UBA6: variants seen among roughly 807,000 people sequenced by gnomAD.
The protein encoded by UBA6 is ubiquitin like modifier activating enzyme 6, also known as ubiquitin-like modifier-activating enzyme 6.
UBA6 carries 87 observed loss-of-function variants against 148.3 expected under a neutral mutation model. The ratio of observed to expected loss-of-function variants is 0.59; its 90% confidence interval spans 0.49 to 0.70. The LOEUF (loss-of-function observed/expected upper bound fraction) is 0.70. UBA6 is among the 30% of genes least tolerant of loss of function. The pLI is 0.00. For synonymous variants in UBA6, 376 were observed against 401.0 expected (o/e 0.94, Z 0.75); for missense variants, 1,186 against 1,241.2 (o/e 0.96, Z 0.67).
chr4:67,665,561 C>G (rs1302375389), intron 9 of UBA6, among the ~76,000 whole-genome samples: 1 of 150,480 alleles, frequency 6.6e-6, no homozygotes. Flanking sequence ...GAGGGCTACT[C>G]ATTATTAGAT....
intron 9 of UBA6, among the ~76,000 whole-genome samples, 163 bp downstream of exon 9, chr4:67,668,384 CTTAA>C (rs1027026433): frequency 5.9e-5 from 9 of 152,204 alleles, no homozygotes; most frequent in Non-Finnish European, 1.2e-4. Context: ...AGTATACTCT[CTTAA>C]TATCATCAGT....
At position 67,619,057 on chromosome 4, in the gene UBA6, A is replaced by T; in HGVS notation, c.3099T>A (p.Asp1033Glu). 1 of 1,613,074 alleles carries T rather than the reference A, an allele frequency of 6.2e-7. No individual in the cohort carries two copies. The highest frequency in any genetic ancestry group is 8.5e-7 in the Non-Finnish European group (1 of 1,179,046). The change falls in exon 33 of 33, where the codon GAT becomes GAA. Residue 1033 changes from aspartate to glutamate, a missense_variant. Physicochemically the swap from Asp to Glu is conservative, Grantham distance 45. Transcript: ENST00000322244. ...DLTVSFAPDI[D>E]GDEDLPGPPV... ...GAGGTCCCGGCAAATCTTCATCTCCATCAATGTCTGGAGCAAATGACACAG... is the reference window on the plus strand; with the variant it reads ...GAGGTCCCGGCAAATCTTCATCTCCTTCAATGTCTGGAGCAAATGACACAG...
intron 2 of UBA6, 111 bp from the exon 3 acceptor site, chr4:67,682,324 G>T: frequency 1.4e-6 from 1 of 726,696 alleles, no homozygotes; most frequent in South Asian, 1.8e-5. Context: ...CCACAGACTT[G>T]TTATGAATGA....
intron 11 of UBA6, chr4:67,663,571 G>A: frequency 2.6e-6 from 1 of 384,118 alleles, no homozygotes; most frequent in Non-Finnish European, 4.6e-6. Flanking sequence ...AAAATGGTAC[G>A]ATTCAGAAAA....
intron 6 of UBA6, among the ~76,000 whole-genome samples, chr4:67,675,459 G>A (rs536749427): frequency 5.3e-5 from 8 of 152,170 alleles, no homozygotes; most frequent in East Asian, 3.9e-4. Flanking sequence ...GGCTGGGCAC[G>A]GTGGCTCACA....
At chr4:67,674,731 A>G (rs1730236352) in intron 6 of UBA6, among the ~76,000 whole-genome samples, 1 of 152,164 alleles carries the variant, frequency 6.6e-6, no homozygotes, top group African/African-American at 2.4e-5. Flanking sequence ...ATGTTAGAAA[A>G]TTCTCAGCCA....
intron 16 of UBA6, 85 bp from the exon 17 acceptor site, chr4:67,644,863 T>C: frequency 1.6e-6 from 1 of 643,728 alleles, no homozygotes; most frequent in Non-Finnish European, 2.7e-6. Flanking sequence ...CAGGTTTATT[T>C]TACCACTGTT....
chr4:67,665,091 C>T, intron 10 of UBA6, 98 bp downstream of exon 10: 2 of 620,988 alleles, frequency 3.2e-6, no homozygotes, highest in African/African-American at 1.9e-5. Context: ...AATTCTGTTC[C>T]ACATTTAATC....
At chr4:67,671,612 A>C (rs1164485799) in intron 7 of UBA6, among the ~76,000 whole-genome samples, 3 of 152,172 alleles carry the variant, frequency 2.0e-5, no homozygotes, top group African/African-American at 7.2e-5. Context: ...ATTCTGTCTT[A>C]ATCACATGCT....
chr4:67,663,760 T>C (rs1002187806), intron 11 of UBA6, 125 bp downstream of exon 11: 2 of 746,456 alleles, frequency 2.7e-6, no homozygotes, highest in Admixed American at 4.4e-5. Context: ...ACCTTTATTA[T>C]ACTCACATTA....
At chr4:67,663,301 T>TAA (rs781686287) in intron 11 of UBA6, 86 bp from the exon 12 acceptor site, 6 of 825,416 alleles carry the variant, frequency 7.3e-6, no homozygotes, top group Non-Finnish European at 1.2e-5. Context: ...AAACATTATT[T>TAA]AACCATCATA....
At chr4:67,686,036 T>C (rs558190561) in intron 2 of UBA6, among the ~76,000 whole-genome samples, 2 of 152,320 alleles carry the variant, frequency 1.3e-5, no homozygotes, top group South Asian at 4.1e-4. Flanking sequence ...AAAGATGGGA[T>C]TAAAGAGCTG....
intron 4 of UBA6, 42 bp downstream of exon 4, chr4:67,681,521 A>G (rs1429291020): frequency 7.0e-7 from 1 of 1,428,822 alleles, no homozygotes. Flanking sequence ...AGCCAAAAAA[A>G]AAGGCTCATA....
chr4:67,646,416 C>T (rs1348547443), intron 15 of UBA6, among the ~76,000 whole-genome samples: 4 of 151,944 alleles, frequency 2.6e-5, no homozygotes, highest in Admixed American at 2.6e-4. Flanking sequence ...AGATTTATGA[C>T]CCAAAAAGGT....
chr4:67,692,721 A>T (rs1207645140), intron 2 of UBA6, among the ~76,000 whole-genome samples: 1 of 152,142 alleles, frequency 6.6e-6, no homozygotes, highest in Non-Finnish European at 1.5e-5. Context: ...AAAACACAAC[A>T]TCTCAAATTC....
rs183480124 is a variant in UBA6 at position 67,632,420 on chromosome 4, T to C, written c.2143-512A>G. ...ACTGCTAACCCTGGGTGATAGGTAA[T>C]TGACAATTACATTAGGGTTCATTAT... On this transcript the variant is annotated intron_variant, in intron 23 of 32. Transcript: ENST00000322244. Among the ~76,000 whole-genome samples the C allele has an allele frequency of 3.0e-4, 45 of 152,324 alleles. 1 individual carries two copies. Among genetic ancestry groups the C allele is most frequent in the African/African-American group, 9.9e-4 (41 of 41,586 alleles).
chr4:67,670,644 C>G (rs749377898), intron 7 of UBA6, 52 bp from the exon 8 acceptor site: 1 of 1,376,336 alleles, frequency 7.3e-7, no homozygotes. Flanking sequence ...GAAAAAAACA[C>G]TCTAGTATCT....
chr4:67,633,755 T>C lies in UBA6; in HGVS notation c.2014-282A>G, dbSNP rs112192919. On this transcript the variant is annotated intron_variant, in intron 22 of 32. Transcript: ENST00000322244. The stretch of plus-strand genomic sequence containing the variant: ...GCTGTAAGTTATTAGTACTATAATA[T>C]ATGTACTCACTATAAGTGCTATGAA... 1.1e-4 allele frequency among the ~76,000 whole-genome samples: 16 copies of C among 152,286 alleles called. 2 individuals carry two copies. In the South Asian group the frequency reaches 1.9e-3, roughly 18 times the overall value.
intron 12 of UBA6, chr4:67,662,567 G>A (rs1478809990): frequency 7.7e-5 from 18 of 235,142 alleles, no homozygotes; most frequent in Admixed American, 5.4e-5. Flanking sequence ...TGGTTCAAGC[G>A]ATTCTTGTGC....
Sources: allele counts gnomAD v4.1 joint callset (sites outside exome capture counted in the v4.1 genomes callset), GRCh38; gene constraint gnomAD v4.1.1; transcripts MANE v1.5; gene names NCBI Gene and HGNC (gene_info 2026-07-23, HGNC 2026-07-21).